L3MBTL3: variants seen among roughly 807,000 people sequenced by gnomAD.
The protein encoded by L3MBTL3 is L3MBTL histone methyl-lysine binding protein 3.
Under a neutral mutation model 102.3 loss-of-function variants are expected in L3MBTL3, and 27 were observed. The ratio of observed to expected loss-of-function variants is 0.26; its 90% CI spans 0.19 to 0.36. The LOEUF is 0.36. Ranked by LOEUF, L3MBTL3 falls within the 10% of genes least tolerant of loss-of-function variation. The probability of loss-of-function intolerance (pLI) is 1.00; values close to 1 mark genes in which losing one functional copy is unlikely to be tolerated. For missense variants in L3MBTL3, 798 were observed against 955.3 expected (o/e 0.84, Z 2.17); for synonymous variants, 340 against 320.9 (o/e 1.06, Z -0.64).
chr6:130,042,510 T>A (rs1269741169), intron 2 of L3MBTL3, among the ~76,000 whole-genome samples, 175 bp from the exon 3 acceptor site: 3 of 152,224 alleles, frequency 2.0e-5, no homozygotes, highest in Non-Finnish European at 4.4e-5. Context: ...TTTCCAAGGA[T>A]CGTACTAGGA....
At chr6:130,067,122 A>AT (rs980330549) in intron 11 of L3MBTL3, among the ~76,000 whole-genome samples, 45 of 151,410 alleles carry the variant, frequency 3.0e-4, no homozygotes, top group Middle Eastern at 3.2e-3. Flanking sequence ...GTATTCCCTA[A>AT]TTTTTTTTTG....
Position 130,051,345 on chromosome 6 carries a change from T to C in L3MBTL3, c.386T>C (p.Val129Ala), listed in dbSNP as rs772665679. 6.2e-7 allele frequency: 1 copy of C among 1,613,996 alleles called. No individual in the cohort carries two copies. Among genetic ancestry groups the C allele is most frequent in the Non-Finnish European group, 8.5e-7 (1 of 1,179,818 alleles). Residue 129 changes from valine (V) to alanine (A), a missense_variant, in exon 6 of 23, where the codon GTA becomes GCA. Val to Ala is a moderately conservative substitution (Grantham distance 64). Transcript: ENST00000361794. ...FCENCCQYGN[V>A]DECLSGGNYC... ...GAGAACTGTTGTCAGTATGGCAACG[T>C]AGATGAGTGTCTTTCTGGAGGAAAC...
intron 12 of L3MBTL3, 127 bp downstream of exon 12, chr6:130,068,548 T>C (rs1249060449): frequency 7.3e-6 from 4 of 544,340 alleles, no homozygotes; most frequent in African/African-American, 1.9e-5. Flanking sequence ...AGTACTCTTA[T>C]CTTAATTAAA....
intron 2 of L3MBTL3, among the ~76,000 whole-genome samples, chr6:130,028,380 T>A (rs1040465578): frequency 6.6e-6 from 1 of 152,186 alleles, no homozygotes; most frequent in Non-Finnish European, 1.5e-5. Flanking sequence ...ATGGAACCGC[T>A]GTAATGACTG....
chr6:130,097,360 A>C (rs1291252410), intron 18 of L3MBTL3, among the ~76,000 whole-genome samples: 1 of 152,208 alleles, frequency 6.6e-6, no homozygotes, highest in South Asian at 2.1e-4. Flanking sequence ...CAAAACATGC[A>C]CTCTTTGCAT....
At chr6:130,102,898 T>C (rs1311777716) in intron 18 of L3MBTL3, among the ~76,000 whole-genome samples, 1 of 152,244 alleles carries the variant, frequency 6.6e-6, no homozygotes, top group African/African-American at 2.4e-5. Flanking sequence ...ATGTGTATAA[T>C]TGTGTACTGC....
chr6:130,046,712 A>G (rs1180084498), intron 3 of L3MBTL3, among the ~76,000 whole-genome samples: 1 of 100,580 alleles, frequency 9.9e-6, no homozygotes, highest in Non-Finnish European at 2.7e-5. Context: ...CCACGTGGCA[A>G]GTTTTTTACA....
intron 20 of L3MBTL3, among the ~76,000 whole-genome samples, chr6:130,128,284 A>G (rs770811217): frequency 6.6e-6 from 1 of 152,226 alleles, no homozygotes; most frequent in Admixed American, 6.5e-5. Context: ...TAAAGGAAGT[A>G]CAGAGCTTGG....
chr6:130,052,957 C>T lies in L3MBTL3; in HGVS notation c.548C>T (p.Thr183Ile), dbSNP rs9388768. 1.2e-6 allele frequency: 2 copies of T among 1,613,186 alleles called. No homozygotes were observed. The highest frequency in any genetic ancestry group is 2.7e-5 in the African/African-American group (2 of 74,756). ...CCAAAATTATCTCTGAAAGCTGACA[C>T]CAAGGAGGATGGAGAAGAGAGAGAT... ...KKPKLSLKADTKEDGEERDDE... is the reference protein window; with the variant it reads ...KKPKLSLKADIKEDGEERDDE... The change falls in exon 7 of 23, where the codon ACC becomes ATC. Residue 183 changes from threonine to isoleucine, a missense_variant. Transcript: ENST00000361794.
intron 10 of L3MBTL3, among the ~76,000 whole-genome samples, chr6:130,064,097 T>G (rs1267194351): frequency 1.3e-5 from 2 of 152,192 alleles, no homozygotes; most frequent in Non-Finnish European, 2.9e-5. Context: ...TTCCTTCCCA[T>G]CACCATTTAC....
At chr6:130,073,655 AAAGT>A (rs1391889655) in intron 13 of L3MBTL3, among the ~76,000 whole-genome samples, 3 of 152,106 alleles carry the variant, frequency 2.0e-5, no homozygotes, top group East Asian at 1.9e-4. Flanking sequence ...ATGTGGAAAA[AAAGT>A]AAGGGGAGAG....
intron 14 of L3MBTL3, among the ~76,000 whole-genome samples, chr6:130,081,964 T>G (rs1430764231): frequency 6.6e-6 from 1 of 152,176 alleles, no homozygotes; most frequent in African/African-American, 2.4e-5. Flanking sequence ...GATCTGTCAT[T>G]TTGTAGATTG....
chr6:130,048,186 T>G (rs1780843000), intron 3 of L3MBTL3, among the ~76,000 whole-genome samples: 1 of 152,224 alleles, frequency 6.6e-6, no homozygotes, highest in South Asian at 2.1e-4. Flanking sequence ...GCGTGTTGAC[T>G]AAATCGATTT....
intron 1 of L3MBTL3, chr6:130,019,234 CG>C (rs1428745453): frequency 7.9e-6 from 1 of 125,938 alleles, no homozygotes; most frequent in Non-Finnish European, 1.7e-5. Flanking sequence ...CGGGCTCCAC[CG>C]GGGTGCGTGT....
chr6:130,090,622 G>A (rs1302674686), intron 16 of L3MBTL3, among the ~76,000 whole-genome samples: 1 of 151,838 alleles, frequency 6.6e-6, no homozygotes, highest in Non-Finnish European at 1.5e-5. Flanking sequence ...TTGAGACAAG[G>A]TCTCACTCTG....
intron 20 of L3MBTL3, among the ~76,000 whole-genome samples, chr6:130,124,361 C>T (rs1405060348): frequency 6.6e-6 from 1 of 152,118 alleles, no homozygotes; most frequent in Non-Finnish European, 1.5e-5. Context: ...GATGTTTGGT[C>T]TGTTTTTCTT....
intron 19 of L3MBTL3, among the ~76,000 whole-genome samples, chr6:130,108,680 GTATTTATT>G (rs1363323381): frequency 6.6e-6 from 1 of 151,610 alleles, no homozygotes; most frequent in African/African-American, 2.4e-5. Flanking sequence ...ATTTTATTTG[GTATTTATT>G]TATTTATTTT....
intron 19 of L3MBTL3, among the ~76,000 whole-genome samples, chr6:130,110,699 G>C (rs1226254810): frequency 6.6e-6 from 1 of 152,142 alleles, no homozygotes; most frequent in Non-Finnish European, 1.5e-5. Flanking sequence ...TCTCTTGCCT[G>C]ATTGCCCTGG....
At chr6:130,135,255 G>C (rs886817844) in intron 22 of L3MBTL3, among the ~76,000 whole-genome samples, 1 of 151,602 alleles carries the variant, frequency 6.6e-6, no homozygotes, top group Non-Finnish European at 1.5e-5. Flanking sequence ...GTAGAGACTT[G>C]GTTTCACCGT....
Sources: gnomAD v4.1 joint callset for allele counts (sites outside exome capture counted in the v4.1 genomes callset) on GRCh38, gnomAD v4.1.1 for gene constraint, MANE v1.5 for transcripts, NCBI Gene and HGNC (gene_info 2026-07-23, HGNC 2026-07-21) for gene names.